The following LUZP2 variants were observed in gnomAD, a reference collection of about 807,000 sequenced individuals.
LUZP2 encodes leucine zipper protein 2.
Under a neutral mutation model 51.6 loss-of-function variants are expected in LUZP2, and 52 were observed. That is an observed-to-expected ratio of 1.01 (90% CI 0.81 to 1.27). The LOEUF (loss-of-function observed/expected upper bound fraction) is 1.27. Ranked by LOEUF, LUZP2 falls within the 50% of genes most tolerant of loss-of-function variation. The pLI is 0.00. For synonymous variants in LUZP2, 154 were observed against 137.3 expected (o/e 1.12, Z -0.85); for missense variants, 436 against 395.4 (o/e 1.10, Z -0.87).
intron 9 of LUZP2, among the ~76,000 whole-genome samples, chr11:25,019,521 T>G (rs1857266652): frequency 6.6e-6 from 1 of 152,148 alleles, no homozygotes; most frequent in Non-Finnish European, 1.5e-5. Context: ...TTTATTTAAA[T>G]GAGCATGGTT....
Position 24,637,257 on chromosome 11 carries a change from C to T in LUZP2, c.63-91912C>T, listed in dbSNP as rs546966237. The stretch of plus-strand genomic sequence containing the variant: ...AGATTTCATGGACATTTATCAGTTC[C>T]CCAAATTAATACTTTTATAATTTCT... On this transcript the variant is annotated intron_variant, in intron 1 of 11. Coordinates refer to ENST00000336930, the MANE Select transcript of LUZP2 (RefSeq NM_001009909.4). Among the ~76,000 whole-genome samples the T allele has an allele frequency of 3.0e-4, 45 of 151,712 alleles. 3 individuals carry two copies. Among genetic ancestry groups the T allele is most frequent in the African/African-American group, 1.0e-3 (43 of 41,112 alleles).
intron 7 of LUZP2, among the ~76,000 whole-genome samples, chr11:24,922,485 T>G (rs1228943273): frequency 1.3e-5 from 2 of 152,226 alleles, no homozygotes; most frequent in Non-Finnish European, 2.9e-5. Flanking sequence ...TCTCATTAAT[T>G]TAAACTTATG....
intron 1 of LUZP2, among the ~76,000 whole-genome samples, chr11:24,681,203 G>T (rs1268923477): frequency 6.6e-6 from 1 of 151,602 alleles, no homozygotes. Flanking sequence ...GGATGGTCTC[G>T]ATCTCCTGAC....
At chr11:24,995,947 T>G (rs1210574632) in intron 9 of LUZP2, among the ~76,000 whole-genome samples, 1 of 151,784 alleles carries the variant, frequency 6.6e-6, no homozygotes, top group Non-Finnish European at 1.5e-5. Flanking sequence ...TTACTTATTA[T>G]TTAAAAATCC....
At position 24,646,696 on chromosome 11, in the gene LUZP2, C is replaced by T. The variant is rs1855471723; in HGVS notation, c.63-82473C>T. On this transcript the variant is annotated intron_variant, in intron 1 of 11. Transcript: ENST00000336930. ...CTCCCCAAAAGACTGTTGCTGATGT[C>T]TCATTGGCCATAACTGTGTCCAGTA... 8.0e-6 allele frequency: 5 copies of T among 625,992 alleles called. No individual in the cohort carries two copies. The South Asian group carries it at 3.6e-4, about 44-fold the overall frequency. 38.8% of individuals were successfully genotyped at this position (625,992 alleles called of 1,614,324 possible). A position where few individuals can be genotyped will look rare whatever the true frequency, so the allele number is the denominator to read the frequency against.
At chr11:24,737,051 T>C (rs1258693233) in intron 3 of LUZP2, among the ~76,000 whole-genome samples, 1 of 152,076 alleles carries the variant, frequency 6.6e-6, no homozygotes, top group Non-Finnish European at 1.5e-5. Context: ...TAAGTCCTGC[T>C]GGGTGAAAGA....
chr11:25,003,932 G>A (rs950120449), intron 9 of LUZP2, among the ~76,000 whole-genome samples: 4 of 152,210 alleles, frequency 2.6e-5, no homozygotes, highest in African/African-American at 4.8e-5. Flanking sequence ...TAAAACTGAG[G>A]AGGTGGGAGA....
chr11:24,672,020 TG>T (rs1191195465), intron 1 of LUZP2, among the ~76,000 whole-genome samples: 1 of 152,156 alleles, frequency 6.6e-6, no homozygotes, highest in African/African-American at 2.4e-5. Context: ...ATGGGCTTTT[TG>T]GCAAAATACA....
At chr11:24,539,300 A>G (rs1851282566) in intron 1 of LUZP2, among the ~76,000 whole-genome samples, 1 of 151,924 alleles carries the variant, frequency 6.6e-6, no homozygotes, top group Non-Finnish European at 1.5e-5. Flanking sequence ...AATGGTGCTA[A>G]TAAGTCCTCG....
intron 1 of LUZP2, among the ~76,000 whole-genome samples, chr11:24,657,856 C>A (rs192901121): frequency 2.0e-5 from 3 of 152,172 alleles, no homozygotes; most frequent in Non-Finnish European, 2.9e-5. Flanking sequence ...ACCTAGGAAT[C>A]CAACTTACAA....
chr11:24,743,531 A>G (rs1044438093), intron 4 of LUZP2, among the ~76,000 whole-genome samples: 2 of 152,138 alleles, frequency 1.3e-5, no homozygotes, highest in African/African-American at 4.8e-5. Flanking sequence ...ATTTGTGTAC[A>G]GTAATCTTCT....
At chr11:24,798,876 G>T (rs1259108273) in intron 5 of LUZP2, among the ~76,000 whole-genome samples, 1 of 152,090 alleles carries the variant, frequency 6.6e-6, no homozygotes, top group Non-Finnish European at 1.5e-5. Context: ...GGCCAAAGAA[G>T]TGCCACCAGT....
rs181211912 is a variant in LUZP2, at chr11:24,647,360, A to C, written c.63-81809A>C. Among the ~76,000 whole-genome samples the C allele has an allele frequency of 2.8e-4, 42 of 152,096 alleles. No individual in the cohort carries two copies. The East Asian group carries it at 6.6e-3, about 24-fold the overall frequency. On this transcript the variant is annotated intron_variant, in intron 1 of 11. Transcript: ENST00000336930. ...AATTATCAAGACTGTGAATGCAGCC[A>C]GTATTTAAATAAATAACAACAAAAA...
chr11:24,991,082 C>T (rs889234168), intron 9 of LUZP2, among the ~76,000 whole-genome samples: 5 of 151,920 alleles, frequency 3.3e-5, no homozygotes, highest in Admixed American at 1.3e-4. Context: ...GAGCAGTATA[C>T]ACTGCACCCT....
Position 24,974,552 on chromosome 11 carries a change from A to C in LUZP2, c.523-2039A>C, listed in dbSNP as rs114843675. The stretch of plus-strand genomic sequence containing the variant: ...TAGTTCTATGTATTTATGACAGATA[A>C]TCTTTCTACCAATAAAATGAAATAC... On this transcript the variant is annotated intron_variant, in intron 7 of 11. Coordinates refer to ENST00000336930, the MANE Select transcript of LUZP2 (RefSeq NM_001009909.4). 8.2e-3 allele frequency among the ~76,000 whole-genome samples: 1,247 copies of C among 152,198 alleles called. 14 individuals are homozygous for C. The highest frequency in any genetic ancestry group is 0.028 in the African/African-American group (1,182 of 41,548).
intron 1 of LUZP2, among the ~76,000 whole-genome samples, chr11:24,720,293 G>C (rs991569359): frequency 1.3e-5 from 2 of 151,816 alleles, no homozygotes; most frequent in Non-Finnish European, 2.9e-5. Context: ...GCAAAACTTA[G>C]ATACCAAGCT....
intron 5 of LUZP2, among the ~76,000 whole-genome samples, chr11:24,887,694 T>C (rs981692988): frequency 1.3e-5 from 2 of 152,214 alleles, no homozygotes; most frequent in Non-Finnish European, 2.9e-5. Flanking sequence ...ATTATAAGAA[T>C]TCGCTACCTT....
chr11:25,048,019 C>T (rs1858373057), intron 9 of LUZP2, among the ~76,000 whole-genome samples: 1 of 151,994 alleles, frequency 6.6e-6, no homozygotes, highest in Admixed American at 6.6e-5. Flanking sequence ...TGATGTTATC[C>T]AGGCTGGTCT....
At chr11:24,708,388 TTAAA>T (rs2133925110) in intron 1 of LUZP2, among the ~76,000 whole-genome samples, 1 of 152,282 alleles carries the variant, frequency 6.6e-6, no homozygotes, top group Non-Finnish European at 1.5e-5. Context: ...TCTGGATTGA[TTAAA>T]TAACCTCATT....
Sources: gnomAD v4.1 joint callset for allele counts (sites outside exome capture counted in the v4.1 genomes callset) on GRCh38, gnomAD v4.1.1 for gene constraint, MANE v1.5 for transcripts, NCBI Gene and HGNC (gene_info 2026-07-23, HGNC 2026-07-21) for gene names.